The following SEMA5A variants were observed in gnomAD, a reference collection of about 807,000 sequenced individuals.
The protein encoded by SEMA5A is semaphorin 5A, also known as semaphorin-5A.
Under a neutral mutation model 135.5 loss-of-function variants are expected in SEMA5A, and 55 were observed. The ratio of observed to expected loss-of-function variants is 0.41; its 90% CI spans 0.33 to 0.51. The LOEUF (loss-of-function observed/expected upper bound fraction) is 0.51. Among genes scored for constraint, SEMA5A ranks in the 20% least tolerant of loss-of-function variants. The pLI is 0.37. For missense variants in SEMA5A, 1,290 were observed against 1,419.9 expected, an observed-to-expected ratio of 0.91 and a Z score of 1.47; for synonymous variants, 580 against 546.5, an observed-to-expected ratio of 1.06 and a Z score of -0.85.
intron 5 of SEMA5A, among the ~76,000 whole-genome samples, chr5:9,273,842 C>G (rs1750114159): frequency 6.6e-6 from 1 of 152,022 alleles, no homozygotes; most frequent in Admixed American, 6.5e-5. Context: ...GAAGGAAGCA[C>G]TAAACATGGA....
At chr5:9,474,993 G>C (rs1447640599) in intron 1 of SEMA5A, among the ~76,000 whole-genome samples, 1 of 152,214 alleles carries the variant, frequency 6.6e-6, no homozygotes, top group Non-Finnish European at 1.5e-5. Flanking sequence ...CCAGGCTGGA[G>C]TGCAGTGGCA....
intron 2 of SEMA5A, among the ~76,000 whole-genome samples, chr5:9,405,029 C>A (rs1444671320): frequency 6.6e-6 from 1 of 152,164 alleles, no homozygotes; most frequent in Non-Finnish European, 1.5e-5. Flanking sequence ...GAAGCAAATT[C>A]TAGAGTTACA....
chr5:9,407,489 G>T (rs1756933077), intron 2 of SEMA5A, among the ~76,000 whole-genome samples: 1 of 152,196 alleles, frequency 6.6e-6, no homozygotes, highest in African/African-American at 2.4e-5. Context: ...TAAATGAAGT[G>T]AACATTGAAA....
chr5:9,437,531 A>G (rs1049429097), intron 2 of SEMA5A, among the ~76,000 whole-genome samples: 3 of 151,682 alleles, frequency 2.0e-5, no homozygotes, highest in African/African-American at 7.3e-5. Flanking sequence ...TAATTTTTGT[A>G]TTTTTAGTAG....
intron 5 of SEMA5A, among the ~76,000 whole-genome samples, chr5:9,297,521 C>T (rs1045672045): frequency 2.4e-4 from 37 of 152,204 alleles, no homozygotes; most frequent in African/African-American, 8.7e-4. Context: ...GACTTTCAGG[C>T]CTTCAGAACT....
chr5:9,463,714 T>C (rs2126735075), intron 1 of SEMA5A, among the ~76,000 whole-genome samples: 1 of 152,308 alleles, frequency 6.6e-6, no homozygotes, highest in Non-Finnish European at 1.5e-5. Context: ...CCAAGGAATC[T>C]AAGTCATAGA....
intron 4 of SEMA5A, among the ~76,000 whole-genome samples, chr5:9,323,133 A>G (rs577403940): frequency 5.8e-4 from 89 of 152,306 alleles, no homozygotes; most frequent in African/African-American, 2.0e-3. Context: ...TAATTCTAAG[A>G]ATATCCCTAT....
At chr5:9,447,331 G>T (rs116502519) in intron 1 of SEMA5A, among the ~76,000 whole-genome samples, 5,070 of 152,214 alleles carry the variant, frequency 0.033, 110 homozygotes, top group Non-Finnish European at 0.051. Context: ...CAAGCCAATT[G>T]CGTTTTGCCT....
At chr5:9,174,630 T>C (rs550469070) in intron 11 of SEMA5A, among the ~76,000 whole-genome samples, 1 of 152,338 alleles carries the variant, frequency 6.6e-6, no homozygotes, top group African/African-American at 2.4e-5. Flanking sequence ...TAGTAATGCC[T>C]GGTCATCATT....
At chr5:9,414,669 G>T (rs573888474) in intron 2 of SEMA5A, among the ~76,000 whole-genome samples, 14 of 152,276 alleles carry the variant, frequency 9.2e-5, no homozygotes, top group Non-Finnish European at 2.1e-4. Flanking sequence ...TTCATTAGAA[G>T]AAAATATCAA....
chr5:9,317,778 T>G (rs6887329), intron 5 of SEMA5A, among the ~76,000 whole-genome samples: 9,258 of 152,180 alleles, frequency 0.061, 874 homozygotes, highest in African/African-American at 0.21. Context: ...AGGAGACACT[T>G]TTTAAAGACT....
At chr5:9,108,389 A>ATGCTC (rs1322514812) in intron 15 of SEMA5A, 102 bp from the exon 16 acceptor site, 1 of 1,374,614 alleles carries the variant, frequency 7.3e-7, no homozygotes, top group Admixed American at 1.8e-5. Flanking sequence ...ACACATGGGC[A>ATGCTC]TGCTCTGCGT....
intron 16 of SEMA5A, among the ~76,000 whole-genome samples, chr5:9,077,053 G>A (rs1250933627): frequency 6.6e-6 from 1 of 152,178 alleles, no homozygotes; most frequent in African/African-American, 2.4e-5. Context: ...ATTTGGAGAA[G>A]TGTGGGAGTC....
Position 9,248,700 on chromosome 5 carries a change from T to C in SEMA5A, c.271-10810A>G, listed in dbSNP as rs117205919. 1.8e-3 allele frequency among the ~76,000 whole-genome samples: 272 copies of C among 152,096 alleles called. 5 individuals carry two copies. The East Asian group carries it at 0.043, about 24-fold the overall frequency. On this transcript the variant is annotated intron_variant, in intron 5 of 22. Coordinates refer to ENST00000382496, the MANE Select transcript of SEMA5A (RefSeq NM_003966.3). ...AGCAGGCAGAGGAAGATGCGGAGCA[T>C]ACAGAGGAGAAGGAAATATGACCGT...
intron 6 of SEMA5A, among the ~76,000 whole-genome samples, chr5:9,231,586 C>A (rs575515839): frequency 1.3e-5 from 2 of 151,936 alleles, no homozygotes; most frequent in Non-Finnish European, 2.9e-5. Flanking sequence ...CCACTGGCAA[C>A]GCACTTTGCC....
At chr5:9,292,262 C>T (rs915206404) in intron 5 of SEMA5A, among the ~76,000 whole-genome samples, 6 of 152,158 alleles carry the variant, frequency 3.9e-5, no homozygotes, top group Non-Finnish European at 8.8e-5. Flanking sequence ...TAAATTGCAT[C>T]AAATAATTTC....
chr5:9,510,067 C>T (rs902540151), intron 1 of SEMA5A, among the ~76,000 whole-genome samples: 19 of 152,042 alleles, frequency 1.2e-4, no homozygotes, highest in African/African-American at 3.6e-4. Flanking sequence ...GGGGCCACGA[C>T]GGTGGAAAAA....
intron 10 of SEMA5A, among the ~76,000 whole-genome samples, chr5:9,195,991 C>T (rs1357361945): frequency 6.6e-6 from 1 of 152,248 alleles, no homozygotes; most frequent in African/African-American, 2.4e-5. Context: ...AGGTGATCTG[C>T]CCCAGGCCCA....
chr5:9,203,915 A>G (rs1745864280), intron 8 of SEMA5A, among the ~76,000 whole-genome samples: 1 of 152,170 alleles, frequency 6.6e-6, no homozygotes, highest in Non-Finnish European at 1.5e-5. Flanking sequence ...GATGTTCACA[A>G]AAACAGCAGA....
Sources: gnomAD v4.1 joint callset for allele counts (sites outside exome capture counted in the v4.1 genomes callset) on GRCh38, gnomAD v4.1.1 for gene constraint, MANE v1.5 for transcripts, NCBI Gene and HGNC (gene_info 2026-07-23, HGNC 2026-07-21) for gene names.